The following SRL variants were observed in gnomAD, a reference collection of about 807,000 sequenced individuals.
SRL encodes sarcalumenin.
A neutral mutation model predicts 39.5 loss-of-function variants in SRL; 23 were observed. The ratio of observed to expected loss-of-function variants is 0.58; its 90% CI spans 0.42 to 0.82. The LOEUF (loss-of-function observed/expected upper bound fraction) is 0.82, where lower values mean the gene tolerates loss of function less well. Ranked by LOEUF, SRL falls within the 40% of genes least tolerant of loss-of-function variation. The probability of loss-of-function intolerance (pLI) is 0.00; values close to 1 mark genes in which losing one functional copy is unlikely to be tolerated. For synonymous variants in SRL, 272 were observed against 237.4 expected (o/e 1.15, Z -1.34); for missense variants, 592 against 607.8 (o/e 0.97, Z 0.27).
At chr16:4,198,204 G>T (rs993074870) in intron 3 of SRL, among the ~76,000 whole-genome samples, 2 of 152,202 alleles carry the variant, frequency 1.3e-5, no homozygotes, top group African/African-American at 4.8e-5. Context: ...ACTCACTCTG[G>T]GTGAGGTCTC....
At chr16:4,226,167 C>G (rs1198686935) in intron 1 of SRL, among the ~76,000 whole-genome samples, 3 of 152,172 alleles carry the variant, frequency 2.0e-5, no homozygotes, top group Admixed American at 6.6e-5. Flanking sequence ...ATCTTCCATC[C>G]CTGGTTTTTC....
intron 1 of SRL, among the ~76,000 whole-genome samples, chr16:4,218,592 T>G (rs972169383): frequency 1.3e-5 from 2 of 152,194 alleles, no homozygotes; most frequent in Non-Finnish European, 2.9e-5. Context: ...TCTCCATGGC[T>G]TTGAAGAGCC....
intron 4 of SRL, among the ~76,000 whole-genome samples, chr16:4,196,438 G>C (rs2892163): frequency 0.5 from 74,493 of 149,052 alleles, 18,834 homozygotes; most frequent in South Asian, 0.63. Context: ...CTGGTTACAA[G>C]CACTCTGGCG....
intron 3 of SRL, among the ~76,000 whole-genome samples, chr16:4,201,007 A>G (rs2052220201): frequency 1.3e-5 from 2 of 152,214 alleles, no homozygotes. Flanking sequence ...TTTAAATTGC[A>G]TTGCTGTTGG....
intron 1 of SRL, among the ~76,000 whole-genome samples, chr16:4,237,630 G>A (rs1424740156): frequency 2.0e-5 from 3 of 150,828 alleles, no homozygotes; most frequent in East Asian, 3.9e-4. Context: ...TTCCGAACAC[G>A]TCCCGCCACC....
At chr16:4,214,709 T>C (rs2052434649) in intron 1 of SRL, among the ~76,000 whole-genome samples, 1 of 151,980 alleles carries the variant, frequency 6.6e-6, no homozygotes. Context: ...TGGTGTCCTG[T>C]TTTTCCTTGA....
At chr16:4,196,192 C>A (rs2052139494) in intron 4 of SRL, among the ~76,000 whole-genome samples, 1 of 152,020 alleles carries the variant, frequency 6.6e-6, no homozygotes, top group South Asian at 2.1e-4. Context: ...AACTTCTGAC[C>A]TTAATGATCT....
rs1037252532 is a variant in SRL, at chr16:4,189,422, A to C, written c.*2731T>G. On this transcript the variant is annotated 3_prime_UTR_variant, in exon 6 of 6. Transcript: ENST00000399609. The stretch of plus-strand genomic sequence containing the variant: ...TGAGACTGATGAAATCAGAACCAAA[A>C]GAACACTGGAAAGGTTCTGCCACTG... 1 of 152,248 alleles carries C rather than the reference A, an allele frequency of 6.6e-6. No individual in the cohort carries two copies. The highest frequency in any genetic ancestry group is 1.5e-5 in the Non-Finnish European group (1 of 68,058). 9.4% of individuals were successfully genotyped at this position (152,248 alleles called of 1,614,324 possible).
chr16:4,214,395 G>A (rs186574083), intron 1 of SRL, among the ~76,000 whole-genome samples: 1 of 152,330 alleles, frequency 6.6e-6, no homozygotes, highest in African/African-American at 2.4e-5. Flanking sequence ...ACACAGTTAT[G>A]CAAATCAGTC....
intron 1 of SRL, chr16:4,206,936 T>C (rs1179965150): frequency 4.4e-6 from 2 of 455,682 alleles, no homozygotes; most frequent in Admixed American, 4.7e-5. Context: ...GCTCCCTGGC[T>C]TCCTGGGGAT....
intron 1 of SRL, among the ~76,000 whole-genome samples, chr16:4,234,837 G>A (rs978040435): frequency 3.3e-5 from 5 of 152,190 alleles, no homozygotes; most frequent in African/African-American, 7.2e-5. Context: ...GTCCCTCTGC[G>A]CTCAGAACCG....
chr16:4,202,093 G>A (rs578180400), intron 3 of SRL, among the ~76,000 whole-genome samples: 1 of 152,226 alleles, frequency 6.6e-6, no homozygotes, highest in Non-Finnish European at 1.5e-5. Flanking sequence ...GAGGGTGCTG[G>A]TTTTCCAGAG....
intron 1 of SRL, among the ~76,000 whole-genome samples, chr16:4,227,900 A>G (rs140029057): frequency 2.0e-5 from 3 of 152,346 alleles, no homozygotes; most frequent in African/African-American, 7.2e-5. Context: ...GCAGGCAGAA[A>G]GATGGAACTA....
At chr16:4,237,733 G>A (rs770522158) in intron 1 of SRL, among the ~76,000 whole-genome samples, 12 of 152,092 alleles carry the variant, frequency 7.9e-5, no homozygotes, top group African/African-American at 1.2e-4. Context: ...CCGTGAGTTT[G>A]CTCATCTTGT....
chr16:4,240,627 G>A (rs1322754222), intron 1 of SRL, among the ~76,000 whole-genome samples: 1 of 152,144 alleles, frequency 6.6e-6, no homozygotes, highest in Non-Finnish European at 1.5e-5. Flanking sequence ...AGCCCCCAGC[G>A]AGGCCTGCAG....
Position 4,191,991 on chromosome 16 carries a change from G to A in SRL, c.*162C>T. ...TTCACAGTTTCCACTCTCCTCCCTA[G>A]ACCCACACACCTGCCCCGACCCCTG... On this transcript the variant is annotated 3_prime_UTR_variant, in exon 6 of 6. Transcript: ENST00000399609. 1.4e-6 allele frequency: 1 copy of A among 720,522 alleles called. No homozygotes were observed. Among genetic ancestry groups the A allele is most frequent in the Non-Finnish European group, 2.3e-6 (1 of 440,578 alleles). 44.6% of individuals were successfully genotyped at this position (720,522 alleles called of 1,614,324 possible).
At chr16:4,222,105 C>T (rs1268669253) in intron 1 of SRL, among the ~76,000 whole-genome samples, 1 of 152,196 alleles carries the variant, frequency 6.6e-6, no homozygotes, top group Non-Finnish European at 1.5e-5. Flanking sequence ...CAATAGCCCA[C>T]ACCACCACCT....
intron 1 of SRL, chr16:4,207,776 G>A (rs185857035): frequency 1.2e-4 from 55 of 453,392 alleles, no homozygotes; most frequent in African/African-American, 9.2e-4. Flanking sequence ...GAGGGAGGGC[G>A]CTTGCCACTG....
chr16:4,240,103 G>C (rs532674944), intron 1 of SRL, among the ~76,000 whole-genome samples: 2 of 152,222 alleles, frequency 1.3e-5, no homozygotes, highest in African/African-American at 2.4e-5. Context: ...AGGAGAAGCC[G>C]GAGGAGAAGC....
Sources: gnomAD v4.1 joint callset for allele counts (sites outside exome capture counted in the v4.1 genomes callset) on GRCh38, gnomAD v4.1.1 for gene constraint, MANE v1.5 for transcripts, NCBI Gene and HGNC (gene_info 2026-07-23, HGNC 2026-07-21) for gene names.